The following NBAS variants were observed in gnomAD, a reference collection of about 807,000 sequenced individuals.
The protein encoded by NBAS is NBAS subunit of NRZ tethering complex.
Under a neutral mutation model 302.5 loss-of-function variants are expected in NBAS, and 219 were observed. The ratio of observed to expected loss-of-function variants is 0.72; its 90% CI spans 0.65 to 0.81. NBAS has a LOEUF of 0.81. Ranked by LOEUF, NBAS falls within the 30% of genes least tolerant of loss-of-function variation. The pLI is 0.00. For synonymous variants in NBAS, 1,118 were observed against 1,021.6 expected (o/e 1.09, Z -1.80); for missense variants, 2,932 against 2,841.6 (o/e 1.03, Z -0.72).
At chr2:14,869,756 C>T in the NBAS span, among the ~76,000 whole-genome samples, 4 of 152,130 alleles carry the variant, frequency 2.6e-5, no homozygotes, top group Admixed American at 1.3e-4. Flanking sequence ...TATCCATTTA[C>T]CACCAAAACT....
At chr2:15,190,215 A>G (rs1665282611) in intron 49 of NBAS, 49 bp downstream of exon 49, 1 of 1,604,414 alleles carries the variant, frequency 6.2e-7, no homozygotes, top group Non-Finnish European at 8.5e-7. Context: ...TTAGGGCTAA[A>G]GTCCAAACAA....
chr2:15,228,362 G>C (rs1056242322), intron 47 of NBAS, among the ~76,000 whole-genome samples: 1 of 152,180 alleles, frequency 6.6e-6, no homozygotes, highest in Non-Finnish European at 1.5e-5. Flanking sequence ...AGGGTGCAGA[G>C]AAAAGTGGAC....
intron 44 of NBAS, among the ~76,000 whole-genome samples, chr2:15,261,251 A>C (rs954950618): frequency 1.1e-4 from 16 of 152,056 alleles, no homozygotes; most frequent in Non-Finnish European, 1.9e-4. Flanking sequence ...CAGGCTGTGG[A>C]CCCCCACTTA....
At chr2:15,302,253 A>C (rs529715320) in intron 40 of NBAS, among the ~76,000 whole-genome samples, 1 of 152,316 alleles carries the variant, frequency 6.6e-6, no homozygotes, top group South Asian at 2.1e-4. Flanking sequence ...CTAACTCTTC[A>C]CTTCTACTTT....
the NBAS span, among the ~76,000 whole-genome samples, chr2:15,125,328 G>A: frequency 1.3e-5 from 2 of 152,214 alleles, no homozygotes; most frequent in East Asian, 3.8e-4. Context: ...CATGGCAGAA[G>A]ATGAAGCAGG....
chr2:15,064,328 C>T, the NBAS span, among the ~76,000 whole-genome samples: 1 of 138,892 alleles, frequency 7.2e-6, no homozygotes, highest in East Asian at 2.1e-4. Context: ...AAATCAGAAA[C>T]GAGGAGACAT....
rs560574451 is a variant in NBAS, at chr2:15,192,232, C to T, written c.6433-1829G>A. Among the ~76,000 whole-genome samples the T allele has an allele frequency of 1.1e-4, 16 of 144,778 alleles. No homozygotes were observed. The South Asian group carries it at 2.3e-3, about 21-fold the overall frequency. 95.0% of individuals were successfully genotyped at this position (144,778 alleles called of 152,430 possible). Reference sequence around the variant, plus strand: ...AATGTTAGCTCCTTGAAAGAAGAGGCTATTTTTTTTTTTTTTTTGTCCACT... The same window carrying T: ...AATGTTAGCTCCTTGAAAGAAGAGGTTATTTTTTTTTTTTTTTTGTCCACT... On this transcript the variant is annotated intron_variant, in intron 48 of 51. Transcript: ENST00000281513.
At chr2:15,204,862 A>G (rs1963352) in intron 48 of NBAS, among the ~76,000 whole-genome samples, 89,449 of 152,024 alleles carry the variant, frequency 0.59, 28,801 homozygotes, top group East Asian at 0.85. Context: ...CCTGTCATGC[A>G]GTTGGGGGAA....
intron 40 of NBAS, among the ~76,000 whole-genome samples, chr2:15,295,370 C>T (rs938755370): frequency 1.3e-5 from 2 of 152,142 alleles, no homozygotes; most frequent in Admixed American, 6.5e-5. Flanking sequence ...CTCCTTTTGC[C>T]AATGAATAAA....
chr2:15,345,534 C>T (rs527920769), intron 35 of NBAS, among the ~76,000 whole-genome samples: 15 of 152,284 alleles, frequency 9.9e-5, no homozygotes, highest in African/African-American at 3.1e-4. Context: ...TATTTCCATG[C>T]TCATGGATAG....
rs1572827656 is a variant in NBAS at position 15,423,858 on chromosome 2, C to T, written c.2577+457G>A. 2.0e-5 allele frequency among the ~76,000 whole-genome samples: 3 copies of T among 152,192 alleles called. No homozygotes were observed. The East Asian group carries it at 5.8e-4, about 29-fold the overall frequency. The stretch of plus-strand genomic sequence containing the variant: ...TCTCTAATGCAGCTGTTTGGCATCT[C>T]TGTAAAAGTGTCTAAGAACTGAGAG... On this transcript the variant is annotated intron_variant, in intron 23 of 51. Transcript: ENST00000281513.
the NBAS span, among the ~76,000 whole-genome samples, chr2:14,929,021 C>T: frequency 6.7e-4 from 102 of 152,206 alleles, 1 homozygote; most frequent in South Asian, 0.021. Flanking sequence ...AATCTGGATC[C>T]CTACCTTAGC....
At chr2:15,394,133 A>T in intron 28 of NBAS, 94 bp downstream of exon 28, 1 of 1,306,362 alleles carries the variant, frequency 7.7e-7, no homozygotes, top group Non-Finnish European at 1.0e-6. Context: ...GTTTATTATT[A>T]GTTATAACAC....
At chr2:14,878,938 A>T in the NBAS span, among the ~76,000 whole-genome samples, 2 of 147,430 alleles carry the variant, frequency 1.4e-5, no homozygotes, top group Non-Finnish European at 2.9e-5. Context: ...TGCACTAAAA[A>T]TCCCGTGATC....
At chr2:15,088,837 T>C in the NBAS span, among the ~76,000 whole-genome samples, 5 of 152,248 alleles carry the variant, frequency 3.3e-5, no homozygotes, top group African/African-American at 1.2e-4. Context: ...GGCCCAGTGT[T>C]CTTCTCATGC....
At chr2:15,527,602 G>A (rs538958489) in intron 9 of NBAS, among the ~76,000 whole-genome samples, 15 of 152,244 alleles carry the variant, frequency 9.9e-5, no homozygotes, top group Admixed American at 3.3e-4. Flanking sequence ...GGCCTTAAAC[G>A]CACTCATGAG....
the NBAS span, among the ~76,000 whole-genome samples, chr2:15,158,055 G>A: frequency 2.6e-5 from 4 of 152,162 alleles, no homozygotes; most frequent in South Asian, 2.1e-4. Context: ...CTCTGGACCC[G>A]GTGGCTGCCC....
intron 44 of NBAS, among the ~76,000 whole-genome samples, chr2:15,242,116 T>C (rs1187681136): frequency 6.6e-6 from 1 of 152,200 alleles, no homozygotes; most frequent in Non-Finnish European, 1.5e-5. Context: ...ACTTTGTATG[T>C]ATAAACTGTC....
chr2:15,155,535 A>G, the NBAS span, among the ~76,000 whole-genome samples: 1 of 152,132 alleles, frequency 6.6e-6, no homozygotes, highest in East Asian at 1.9e-4. Flanking sequence ...GCTCTGCCCT[A>G]TTTCCTTCCT....
Sources: allele counts gnomAD v4.1 joint callset (sites outside exome capture counted in the v4.1 genomes callset), GRCh38; gene constraint gnomAD v4.1.1; transcripts MANE v1.5; gene names NCBI Gene and HGNC (gene_info 2026-07-23, HGNC 2026-07-21).